Variants in PBRM1 observed in about 807,000 individuals in gnomAD.
PBRM1 encodes the protein protein polybromo-1.
In PBRM1, 27 loss-of-function variants were observed where a neutral mutation model predicts 194.5. The observed-to-expected ratio is 0.14, with a 90% CI of 0.10 to 0.19. The LOEUF (loss-of-function observed/expected upper bound fraction) is 0.19, where lower values mean the gene tolerates loss of function less well. Ranked by LOEUF, PBRM1 falls within the 10% of genes least tolerant of loss-of-function variation. The probability of loss-of-function intolerance (pLI) is 1.00; values close to 1 mark genes in which losing one functional copy is unlikely to be tolerated. For missense variants in PBRM1, 1,466 were observed against 2,077.2 expected (o/e 0.71, Z 5.72); for synonymous variants, 655 against 693.2 (o/e 0.94, Z 0.87).
intron 8 of PBRM1, among the ~76,000 whole-genome samples, chr3:52,643,577 C>T (rs2096189344): frequency 6.6e-6 from 1 of 152,156 alleles, no homozygotes; most frequent in South Asian, 2.1e-4. Flanking sequence ...GGACCTGGTA[C>T]TGAAACAATG....
chr3:52,606,865 C>T (rs1277956045), intron 16 of PBRM1, among the ~76,000 whole-genome samples: 1 of 152,220 alleles, frequency 6.6e-6, no homozygotes, highest in Non-Finnish European at 1.5e-5. Flanking sequence ...CATGAGTCAG[C>T]ACTGTGCTGT....
At chr3:52,579,076 G>C (rs749327283) in exon 21 of PBRM1, 1 of 1,614,090 alleles carries the variant, frequency 6.2e-7, no homozygotes, top group Non-Finnish European at 8.5e-7. Flanking sequence ...GGACGCACCA[G>C]GCCATGGGAC....
downstream of PBRM1, chr3:52,546,936 A>T (rs1431671871): frequency 1.3e-5 from 3 of 233,112 alleles, no homozygotes; most frequent in African/African-American, 6.6e-5. Flanking sequence ...ATTGAAACTT[A>T]AAAGAAAAAA....
At position 52,642,047 on chromosome 3, in the gene PBRM1, T is replaced by C; in HGVS notation, c.996-2A>G. On this transcript the variant is annotated splice_acceptor_variant, in intron 9 of 29. Coordinates refer to ENST00000296302, the Ensembl canonical transcript of PBRM1. LOFTEE classifies it high-confidence loss of function. ...CCTCCTTGTACTGCTCTTTTATTACTACAAAAAAAAAAAAAGCAATTAGAC... is the reference window on the plus strand; with the variant it reads ...CCTCCTTGTACTGCTCTTTTATTACCACAAAAAAAAAAAAAGCAATTAGAC... 2 of 1,352,274 alleles carry C rather than the reference T, an allele frequency of 1.5e-6. No homozygotes were observed. The highest frequency in any genetic ancestry group is 2.1e-6 in the Non-Finnish European group (2 of 969,844). 83.8% of individuals were successfully genotyped at this position (1,352,274 alleles called of 1,614,324 possible). A position where few individuals can be genotyped will look rare whatever the true frequency, so the allele number is the denominator to read the frequency against.
At chr3:52,585,501 A>C (rs1311824961) in intron 20 of PBRM1, 2 of 152,232 alleles carry the variant, frequency 1.3e-5, no homozygotes, top group East Asian at 3.8e-4. Context: ...GCAGAAATAT[A>C]CAGTCTTTAC....
chr3:52,561,158 T>G (rs1210465712), intron 25 of PBRM1, among the ~76,000 whole-genome samples: 1 of 152,230 alleles, frequency 6.6e-6, no homozygotes, highest in Admixed American at 6.5e-5. Context: ...TCTAAATGGC[T>G]AAGAACCACC....
intron 13 of PBRM1, among the ~76,000 whole-genome samples, chr3:52,621,536 T>C (rs2095274650): frequency 6.6e-6 from 1 of 152,200 alleles, no homozygotes; most frequent in Non-Finnish European, 1.5e-5. Flanking sequence ...TTCCTCCTCC[T>C]TCAAACCATT....
intron 21 of PBRM1, 51 bp downstream of exon 23, chr3:52,579,003 T>C (rs1409506535): frequency 6.3e-7 from 1 of 1,586,080 alleles, no homozygotes. Flanking sequence ...TTTCTACTGG[T>C]TCCAAATTTC....
chr3:52,684,514 A>G (rs1283359195), upstream of PBRM1, among the ~76,000 whole-genome samples: 1 of 152,192 alleles, frequency 6.6e-6, no homozygotes, highest in Non-Finnish European at 1.5e-5. Flanking sequence ...AAACACCTAT[A>G]AACCTACTTC....
chr3:52,579,008 A>T (rs376256954), intron 21 of PBRM1, 46 bp downstream of exon 23: 1 of 1,602,420 alleles, frequency 6.2e-7, no homozygotes. Flanking sequence ...ACTGGTTCCA[A>T]ATTTCTCAGA....
At chr3:52,643,678 G>A (rs2096194346) in intron 8 of PBRM1, among the ~76,000 whole-genome samples, 1 of 152,124 alleles carries the variant, frequency 6.6e-6, no homozygotes, top group Non-Finnish European at 1.5e-5. Flanking sequence ...ACTAGTTCAA[G>A]ATCACAGTCC....
intron 17 of PBRM1, among the ~76,000 whole-genome samples, chr3:52,592,759 G>A (rs1576339923): frequency 6.6e-6 from 1 of 152,302 alleles, no homozygotes; most frequent in East Asian, 1.9e-4. Flanking sequence ...ACATCTGGTA[G>A]AATTTGGCTG....
At chr3:52,652,937 G>A (rs1560809019) in intron 5 of PBRM1, among the ~76,000 whole-genome samples, 1 of 152,114 alleles carries the variant, frequency 6.6e-6, no homozygotes, top group Non-Finnish European at 1.5e-5. Flanking sequence ...GATGGAGGTT[G>A]CAGTGAGCCG....
intron 13 of PBRM1, among the ~76,000 whole-genome samples, chr3:52,625,983 T>C (rs1577004443): frequency 6.6e-6 from 1 of 152,230 alleles, no homozygotes; most frequent in Non-Finnish European, 1.5e-5. Context: ...GTTTTCTTAA[T>C]ACTCAACTAA....
At chr3:52,637,182 A>T (rs2153668270) in intron 10 of PBRM1, among the ~76,000 whole-genome samples, 1 of 152,264 alleles carries the variant, frequency 6.6e-6, no homozygotes, top group Admixed American at 6.5e-5. Flanking sequence ...GGCATCTTTT[A>T]AAAAAACTGT....
intron 10 of PBRM1, among the ~76,000 whole-genome samples, chr3:52,640,885 C>T (rs2096054722): frequency 6.6e-6 from 1 of 152,040 alleles, no homozygotes; most frequent in Non-Finnish European, 1.5e-5. Flanking sequence ...GTGATCCACC[C>T]CCCTCAGCCT....
downstream of PBRM1, chr3:52,546,801 G>A: frequency 8.6e-6 from 2 of 233,262 alleles, no homozygotes; most frequent in Non-Finnish European, 8.5e-6. Context: ...TTTGGGATCT[G>A]TAATGGTCTT....
At chr3:52,678,637 G>T in intron 1 of PBRM1, 40 bp from the exon 3 acceptor site, 1 of 1,283,296 alleles carries the variant, frequency 7.8e-7, no homozygotes, top group South Asian at 1.2e-5. Flanking sequence ...CTAAAAAAGT[G>T]AACAGAAAGC....
chr3:52,588,870 C>G (rs1184823643), intron 18 of PBRM1, among the ~76,000 whole-genome samples, 200 bp downstream of exon 20: 1 of 152,104 alleles, frequency 6.6e-6, no homozygotes, highest in Non-Finnish European at 1.5e-5. Flanking sequence ...AGCTGTATTT[C>G]TTTTGACTCA....
Sources: gnomAD v4.1 joint callset for allele counts (sites outside exome capture counted in the v4.1 genomes callset) on GRCh38, gnomAD v4.1.1 for gene constraint, MANE v1.5 for transcripts, NCBI Gene and HGNC (gene_info 2026-07-23, HGNC 2026-07-21) for gene names.